The following VPS41 variants were observed in gnomAD, a reference collection of about 807,000 sequenced individuals.
VPS41 encodes VPS41 subunit of HOPS complex.
VPS41 carries 85 observed loss-of-function variants against 130.9 expected under a neutral mutation model. The observed-to-expected ratio is 0.65, with a 90% confidence interval of 0.55 to 0.78. The LOEUF is 0.78. Ranked by LOEUF, VPS41 falls within the 30% of genes least tolerant of loss-of-function variation. The pLI is 0.00. For missense variants in VPS41, 874 were observed against 1,018.7 expected (o/e 0.86, Z 1.93); for synonymous variants, 335 against 332.9 (o/e 1.01, Z -0.07).
intron 2 of VPS41, among the ~76,000 whole-genome samples, chr7:38,890,714 C>A (rs528452560): frequency 1.3e-5 from 2 of 151,278 alleles, no homozygotes; most frequent in South Asian, 4.2e-4. Flanking sequence ...GAGATAGGGT[C>A]TTGCTCTGCT....
At chr7:38,796,519 T>A (rs1209854164) in intron 8 of VPS41, 1 of 662,518 alleles carries the variant, frequency 1.5e-6, no homozygotes, top group Admixed American at 2.1e-5. Flanking sequence ...TGCCTCAGGT[T>A]TCTTACTCTA....
intron 1 of VPS41, among the ~76,000 whole-genome samples, chr7:38,902,569 C>T (rs150017278): frequency 1.1e-4 from 16 of 152,278 alleles, no homozygotes; most frequent in African/African-American, 3.1e-4. Context: ...AGCGGTTACA[C>T]CCAGGACAGA....
chr7:38,806,107 T>C (rs11978816), intron 7 of VPS41, among the ~76,000 whole-genome samples: 9,242 of 152,278 alleles, frequency 0.061, 290 homozygotes, highest in Middle Eastern at 0.082. Flanking sequence ...AAATGGAGTA[T>C]CTTTATATAT....
chr7:38,824,026 T>A (rs1040012060), intron 5 of VPS41, among the ~76,000 whole-genome samples: 4 of 152,054 alleles, frequency 2.6e-5, no homozygotes, highest in African/African-American at 4.8e-5. Flanking sequence ...TCTAAGAAAA[T>A]CAGGTGAAAA....
At chr7:38,867,149 G>A (rs535751370) in intron 3 of VPS41, among the ~76,000 whole-genome samples, 1 of 152,300 alleles carries the variant, frequency 6.6e-6, no homozygotes, top group South Asian at 2.1e-4. Flanking sequence ...TGGTTACTTG[G>A]AGGTAGCATT....
chr7:38,740,408 C>T (rs1299571390), intron 25 of VPS41, among the ~76,000 whole-genome samples: 1 of 152,168 alleles, frequency 6.6e-6, no homozygotes, highest in East Asian at 1.9e-4. Context: ...AGGGACGTCA[C>T]CTTTCTGGAT....
intron 22 of VPS41, 86 bp from the exon 23 acceptor site, chr7:38,745,699 A>C: frequency 1.9e-6 from 2 of 1,041,608 alleles, no homozygotes; most frequent in South Asian, 2.7e-5. Context: ...TACACTTGAA[A>C]GAATTTTTCC....
In VPS41 at chr7:38,750,725, T is replaced by C. The variant is rs539124580; in HGVS notation, c.1926+1451A>G. 1.8e-3 allele frequency among the ~76,000 whole-genome samples: 267 copies of C among 152,248 alleles called. 1 individual carries two copies. Among genetic ancestry groups the C allele is most frequent in the African/African-American group, 6.1e-3 (252 of 41,548 alleles). On this transcript the variant is annotated intron_variant, in intron 22 of 28. Coordinates refer to ENST00000310301, the MANE Select transcript of VPS41 (RefSeq NM_014396.4). ...CTAGACCCGAAAACTTTAAACCAGG[T>C]GGGCATAAAGTGTGTGAGAGATATA...
Position 38,821,208 on chromosome 7 carries a change from T to C in VPS41, c.379A>G (p.Ile127Val). The C allele has an allele frequency of 1.2e-6, 2 of 1,613,404 alleles. No individual in the cohort carries two copies. Among genetic ancestry groups the C allele is most frequent in the Non-Finnish European group, 8.5e-7 (1 of 1,179,506 alleles). Reference protein sequence around the residue: ...EEFHETFDCPIKIIAVHPHFV... With the variant: ...EEFHETFDCPVKIIAVHPHFV... ...AAAACTTGCTGAATACTTACTTTAATGGGACAGTCAAAAGTCTCGTGAAAT... is the reference window on the plus strand; with the variant it reads ...AAAACTTGCTGAATACTTACTTTAACGGGACAGTCAAAAGTCTCGTGAAAT... Residue 127 changes from isoleucine to valine, a missense_variant, in exon 6 of 29, where the codon ATT becomes GTT. Ile to Val is a conservative substitution (Grantham distance 29). Transcript: ENST00000310301.
At chr7:38,736,395 C>G (rs1404854705) in intron 25 of VPS41, among the ~76,000 whole-genome samples, 1 of 152,260 alleles carries the variant, frequency 6.6e-6, no homozygotes, top group African/African-American at 2.4e-5. Context: ...CAAACACTGG[C>G]TTAATCTAAC....
intron 17 of VPS41, among the ~76,000 whole-genome samples, chr7:38,762,644 T>A (rs1044240478): frequency 6.6e-6 from 1 of 152,214 alleles, no homozygotes; most frequent in Non-Finnish European, 1.5e-5. Context: ...TCTCTCCACA[T>A]AATATGTGAT....
intron 10 of VPS41, among the ~76,000 whole-genome samples, chr7:38,785,493 T>C (rs901011822): frequency 2.6e-5 from 4 of 152,370 alleles, no homozygotes; most frequent in Admixed American, 1.3e-4. Flanking sequence ...CAAACTATTG[T>C]CAATTAAATG....
At chr7:38,866,861 T>C (rs1373461340) in intron 3 of VPS41, among the ~76,000 whole-genome samples, 1 of 152,136 alleles carries the variant, frequency 6.6e-6, no homozygotes, top group African/African-American at 2.4e-5. Flanking sequence ...GGTGTCACGA[T>C]AAAGAAGTTT....
intron 24 of VPS41, 80 bp from the exon 25 acceptor site, chr7:38,742,201 G>A (rs1795896259): frequency 1.5e-6 from 2 of 1,348,592 alleles, no homozygotes; most frequent in Admixed American, 2.8e-5. Flanking sequence ...TGCATATAAT[G>A]CAATTTTAGA....
chr7:38,739,023 C>A (rs578190266), intron 25 of VPS41, among the ~76,000 whole-genome samples: 1 of 152,172 alleles, frequency 6.6e-6, no homozygotes, highest in South Asian at 2.1e-4. Flanking sequence ...TTCTCTAACC[C>A]GCTTTTCCAA....
chr7:38,858,510 T>C (rs1170091638), intron 4 of VPS41, among the ~76,000 whole-genome samples: 1 of 152,204 alleles, frequency 6.6e-6, no homozygotes, highest in African/African-American at 2.4e-5. Context: ...GTCCATTCAG[T>C]AGACTGAGGA....
chr7:38,894,435 G>T (rs1354010717), intron 2 of VPS41, among the ~76,000 whole-genome samples: 1 of 151,758 alleles, frequency 6.6e-6, no homozygotes. Flanking sequence ...GAGGCAGCGG[G>T]GGGCACGGAG....
chr7:38,745,803 T>C, intron 22 of VPS41, 190 bp from the exon 23 acceptor site: 1 of 555,048 alleles, frequency 1.8e-6, no homozygotes, highest in Non-Finnish European at 3.1e-6. Context: ...TACTGGACTC[T>C]ACACAATTCA....
intron 2 of VPS41, among the ~76,000 whole-genome samples, chr7:38,890,764 C>T (rs1369811944): frequency 6.6e-6 from 1 of 151,736 alleles, no homozygotes; most frequent in Non-Finnish European, 1.5e-5. Flanking sequence ...TGGTTCAATG[C>T]AGCCTCAACC....
Sources: gnomAD v4.1 joint callset for allele counts (sites outside exome capture counted in the v4.1 genomes callset) on GRCh38, gnomAD v4.1.1 for gene constraint, MANE v1.5 for transcripts, NCBI Gene and HGNC (gene_info 2026-07-23, HGNC 2026-07-21) for gene names.